TG: variants seen among roughly 807,000 people sequenced by gnomAD.
TG encodes the protein thyroglobulin.
Under a neutral mutation model 324.7 loss-of-function variants are expected in TG, and 270 were observed. That is an observed-to-expected ratio of 0.83 (90% CI 0.75 to 0.92). The LOEUF is 0.92. Ranked by LOEUF, TG falls within the 40% of genes least tolerant of loss-of-function variation. The pLI, the probability that TG is intolerant of heterozygous loss-of-function variation, is 0.00. For missense variants in TG, 3,591 were observed against 3,456.4 expected (o/e 1.04, Z -0.98); for synonymous variants, 1,401 against 1,327.0 (o/e 1.06, Z -1.21).
intron 35 of TG, among the ~76,000 whole-genome samples, chr8:132,989,260 C>A (rs1832005915): frequency 6.6e-6 from 1 of 152,226 alleles, no homozygotes; most frequent in Admixed American, 6.5e-5. Context: ...AGAGCCAAAT[C>A]ATATCAAGAT....
chr8:132,913,327 C>T, intron 20 of TG, 62 bp downstream of exon 20: 1 of 1,530,792 alleles, frequency 6.5e-7, no homozygotes, highest in Non-Finnish European at 9.0e-7. Context: ...GGAAAGGCCA[C>T]CTCAGCACTG....
intron 41 of TG, among the ~76,000 whole-genome samples, chr8:133,094,273 C>T (rs2131629491): frequency 7.8e-6 from 1 of 128,540 alleles, no homozygotes; most frequent in Middle Eastern, 4.7e-3. Context: ...TGGAGTCTTG[C>T]TCTGTTTCCC....
At chr8:132,903,368 T>C (rs1818202983) in intron 16 of TG, among the ~76,000 whole-genome samples, 1 of 152,202 alleles carries the variant, frequency 6.6e-6, no homozygotes, top group African/African-American at 2.4e-5. Flanking sequence ...AGATTCCTAA[T>C]TCTTGCCGGG....
chr8:133,047,568 GA>G, intron 41 of TG: 1 of 502,942 alleles, frequency 2.0e-6, no homozygotes, highest in Non-Finnish European at 3.6e-6. Flanking sequence ...TCAGTTGCTG[GA>G]AAAATTTCCA....
chr8:132,942,129 C>T (rs1416958767), intron 26 of TG, among the ~76,000 whole-genome samples: 1 of 152,150 alleles, frequency 6.6e-6, no homozygotes, highest in Non-Finnish European at 1.5e-5. Flanking sequence ...GCAGTGTAGC[C>T]TAGTGGTTGA....
chr8:132,874,832 G>A (rs896398237), intron 5 of TG, among the ~76,000 whole-genome samples: 7 of 152,292 alleles, frequency 4.6e-5, no homozygotes, highest in Non-Finnish European at 8.8e-5. Flanking sequence ...CTGCACGCAC[G>A]CACTCACTGG....
chr8:133,056,569 C>T (rs1002879284), intron 41 of TG, among the ~76,000 whole-genome samples: 3 of 152,150 alleles, frequency 2.0e-5, no homozygotes, highest in African/African-American at 7.2e-5. Context: ...GCTTTGAATC[C>T]CAGCTGTCTC....
chr8:133,057,090 C>A (rs945496957), intron 41 of TG, among the ~76,000 whole-genome samples: 20 of 152,070 alleles, frequency 1.3e-4, no homozygotes, highest in Admixed American at 6.5e-5. Context: ...GAGCCCCACC[C>A]GCCCCCTTCT....
intron 41 of TG, among the ~76,000 whole-genome samples, chr8:133,046,885 G>A (rs377512897): frequency 1.6e-4 from 24 of 152,296 alleles, no homozygotes; most frequent in African/African-American, 5.5e-4. Flanking sequence ...CTAGCACCAG[G>A]TGGCTTTGGC....
chr8:132,873,244 A>G, intron 5 of TG, 23 bp downstream of exon 5: 2 of 1,613,692 alleles, frequency 1.2e-6, no homozygotes, highest in Non-Finnish European at 1.7e-6. Flanking sequence ...GGGGTGTGCC[A>G]GTCACTGGGC....
At chr8:132,957,764 C>CACACAG (rs1298890161) in intron 27 of TG, among the ~76,000 whole-genome samples, 5 of 135,296 alleles carry the variant, frequency 3.7e-5, no homozygotes, top group African/African-American at 1.6e-4. Context: ...CACACACACA[C>CACACAG]ACACACACAC....
chr8:132,963,237 G>A (rs1828027045), intron 29 of TG, among the ~76,000 whole-genome samples, 163 bp downstream of exon 29: 1 of 152,124 alleles, frequency 6.6e-6, no homozygotes, highest in Admixed American at 6.6e-5. Context: ...TCATAAATAT[G>A]GGAAGCTCCT....
intron 41 of TG, among the ~76,000 whole-genome samples, chr8:133,035,434 A>G (rs1837012243): frequency 6.6e-6 from 1 of 152,154 alleles, no homozygotes; most frequent in Non-Finnish European, 1.5e-5. Context: ...GACCTAATAC[A>G]TTATCCATTT....
At position 132,882,615 on chromosome 8, in the gene TG, A is replaced by C. The variant is rs1814799013; in HGVS notation, c.889+3A>C. ...AGTCATCTCTGGCAGATTCCGATGTAAGTAATAAACTGCCAACAATGTGCG... is the reference window on the plus strand; with the variant it reads ...AGTCATCTCTGGCAGATTCCGATGTCAGTAATAAACTGCCAACAATGTGCG... On this transcript the variant is annotated splice_donor_region_variant and intron_variant, in intron 7 of 47. Transcript: ENST00000220616. 6.2e-7 allele frequency: 1 copy of C among 1,614,108 alleles called. No homozygotes were observed. The highest frequency in any genetic ancestry group is 8.5e-7 in the Non-Finnish European group (1 of 1,180,044).
Position 132,871,469 on chromosome 8 carries a change from T to A in TG, c.396T>A (p.Asp132Glu), listed in dbSNP as rs148669259. The change falls in exon 4 of 48, where the codon GAT becomes GAA. Residue 132 changes from aspartate to glutamate, a missense_variant. Asp to Glu is a conservative substitution (Grantham distance 45). Coordinates refer to ENST00000220616, the MANE Select transcript of TG (RefSeq NM_003235.5). ...GGGACTACGCGCCTGTTCAGTGTGATGTGCAGCAGGTCCAGTGCTGGTGTG... is the reference window on the plus strand; with the variant it reads ...GGGACTACGCGCCTGTTCAGTGTGAAGTGCAGCAGGTCCAGTGCTGGTGTG... ...DSGDYAPVQC[D>E]VQQVQCWCVD... The A allele has an allele frequency of 2.5e-6, 4 of 1,614,054 alleles. No homozygotes were observed. The highest frequency in any genetic ancestry group is 3.4e-6 in the Non-Finnish European group (4 of 1,180,030).
chr8:133,060,105 G>A lies in TG; in HGVS notation c.7239+30082G>A, dbSNP rs142984250. On this transcript the variant is annotated intron_variant, in intron 41 of 47. Coordinates refer to ENST00000220616, the MANE Select transcript of TG (RefSeq NM_003235.5). ...ACCAGAGAAGCCAGACTTACCCTCC[G>A]GGTTGGGCAGGGGCCTCTCGGCAGG... is the stretch of plus-strand genomic sequence containing the variant. 1,556 of 1,598,342 alleles carry A rather than the reference G, an allele frequency of 9.7e-4. 4 individuals are homozygous for A. Among genetic ancestry groups the A allele is most frequent in the Middle Eastern group, 5.3e-3 (31 of 5,834 alleles).
At chr8:133,087,675 A>G (rs144578114) in intron 41 of TG, 58 of 152,346 alleles carry the variant, frequency 3.8e-4, no homozygotes, top group African/African-American at 1.1e-3. Context: ...GAATAGTCTA[A>G]AAAGTATAAA....
At chr8:132,976,179 G>A (rs965139602) in intron 34 of TG, among the ~76,000 whole-genome samples, 1 of 152,170 alleles carries the variant, frequency 6.6e-6, no homozygotes, top group African/African-American at 2.4e-5. Flanking sequence ...GTTTTGTGCT[G>A]CTATAACAGA....
At position 132,966,625 on chromosome 8, in the gene TG, C is replaced by T; in HGVS notation, c.5614C>T (p.Leu1872=). 1 of 1,614,144 alleles carries T rather than the reference C, an allele frequency of 6.2e-7. No individual in the cohort carries two copies. The highest frequency in any genetic ancestry group is 8.5e-7 in the Non-Finnish European group (1 of 1,180,012). The part of the protein sequence containing the change: ...NQVIVNGNQS[L]SSQKHWLFKH... ...GGTCATTGTCAATGGAAATCAATCACTATCCAGCCAGAAGCACTGGCTTTT... is the reference window on the plus strand; with the variant it reads ...GGTCATTGTCAATGGAAATCAATCATTATCCAGCCAGAAGCACTGGCTTTT... The change falls in exon 30 of 48, where the codon CTA becomes TTA. Residue 1872 remains leucine, a synonymous_variant. Transcript: ENST00000220616.
Sources: gnomAD v4.1 joint callset for allele counts (sites outside exome capture counted in the v4.1 genomes callset) on GRCh38, gnomAD v4.1.1 for gene constraint, MANE v1.5 for transcripts, NCBI Gene and HGNC (gene_info 2026-07-23, HGNC 2026-07-21) for gene names.